EMC3: variants seen among roughly 807,000 people sequenced by gnomAD.
EMC3 encodes 30 kDa protein.
EMC3 carries 13 observed loss-of-function variants against 36.6 expected under a neutral mutation model. That is an observed-to-expected ratio of 0.35 (90% CI 0.23 to 0.56). The LOEUF is 0.56. EMC3 is among the 20% of genes least tolerant of loss of function. The pLI, the probability that EMC3 is intolerant of heterozygous loss-of-function variation, is 0.84. For missense variants in EMC3, 220 were observed against 324.5 expected (o/e 0.68, Z 2.47); for synonymous variants, 120 against 111.9 (o/e 1.07, Z -0.46).
chr3:9,993,083 T>G, intron 1 of EMC3: 1 of 842,614 alleles, frequency 1.2e-6, no homozygotes, highest in East Asian at 2.5e-5. Flanking sequence ...AATTTCATCT[T>G]ATTTCAGTCC....
chr3:9,995,996 T>G (rs2086119296), intron 1 of EMC3, among the ~76,000 whole-genome samples: 1 of 152,192 alleles, frequency 6.6e-6, no homozygotes, highest in Admixed American at 6.5e-5. Flanking sequence ...CATTAGATCC[T>G]CTGCCCTCAA....
At chr3:9,987,562 CG>C (rs1436375356), upstream of EMC3, among the ~76,000 whole-genome samples, 1 of 152,138 alleles carries the variant, frequency 6.6e-6, no homozygotes, top group Non-Finnish European at 1.5e-5. Context: ...GTGTTAAAGG[CG>C]GGTGTCTGGA....
rs1379902478 is a variant in EMC3 at position 9,994,371 on chromosome 3, A to T, written c.-241-7469T>A. ...GCAAGGAGGGAACAGAGGAAGGAAG[A>T]ATCATCTAATGCTTATTTTTTGTTG... On this transcript the variant is annotated intron_variant, in intron 1 of 8. Transcript: ENST00000470827. The T allele has an allele frequency of 4.6e-6, 3 of 648,810 alleles. No homozygotes were observed. In the Admixed American group the frequency reaches 5.9e-5, roughly 13 times the overall value. 40.2% of individuals were successfully genotyped at this position (648,810 alleles called of 1,614,324 possible). A position where few individuals can be genotyped will look rare whatever the true frequency, so the allele number is the denominator to read the frequency against.
At position 9,971,550 on chromosome 3, in the gene EMC3, T is replaced by C. The variant is rs139109852; in HGVS notation, c.495-889A>G. On this transcript the variant is annotated intron_variant, in intron 5 of 7. Coordinates refer to ENST00000245046, the MANE Select transcript of EMC3 (RefSeq NM_001394674.1). ...TACAATGTTGCTGATCTCACCACAG[T>C]GGTAATTGTACACTCAGGTTCCAGT... 3.5e-3 allele frequency among the ~76,000 whole-genome samples: 537 copies of C among 152,228 alleles called. 12 individuals are homozygous for C. The South Asian group carries it at 0.047, about 13-fold the overall frequency.
rs1404054380 is a variant in EMC3, at chr3:9,986,808, A to T, written c.-147T>A. On this transcript the variant is annotated 5_prime_UTR_variant, in exon 1 of 8. Coordinates refer to ENST00000245046, the MANE Select transcript of EMC3 (RefSeq NM_001394674.1). Reference sequence around the variant, plus strand: ...TCTCCTGCGACTGTGAGCCGAGCTTACTGCCTTCAGCTGGGCTGCCTGGTC... The same window carrying T: ...TCTCCTGCGACTGTGAGCCGAGCTTTCTGCCTTCAGCTGGGCTGCCTGGTC... 7 of 1,441,176 alleles carry T rather than the reference A, an allele frequency of 4.9e-6. No individual in the cohort carries two copies. In the East Asian group the frequency reaches 1.5e-4, roughly 30 times the overall value. The allele number at this position is 1,441,176 out of a possible 1,614,324, so 89.3% of individuals were successfully genotyped here. A position where few individuals can be genotyped will look rare whatever the true frequency, so the allele number is the denominator to read the frequency against.
chr3:9,975,911 TGTTTC>T (rs1445382002), intron 3 of EMC3, among the ~76,000 whole-genome samples: 1 of 152,112 alleles, frequency 6.6e-6, no homozygotes, highest in African/African-American at 2.4e-5. Flanking sequence ...AATGGTCTTT[TGTTTC>T]TTGTAAATTT....
chr3:9,971,203 G>T (rs112610659), intron 5 of EMC3, among the ~76,000 whole-genome samples: 1 of 152,064 alleles, frequency 6.6e-6, no homozygotes, highest in Non-Finnish European at 1.5e-5. Context: ...GATTACAGGC[G>T]TGAGCCACTG....
chr3:9,989,519 G>C (rs960010734), upstream of EMC3, among the ~76,000 whole-genome samples: 1 of 152,212 alleles, frequency 6.6e-6, no homozygotes, highest in African/African-American at 2.4e-5. Flanking sequence ...CTGATTGGTT[G>C]CCTTTAAAGA....
In EMC3 at chr3:9,986,493, G is replaced by C. The variant is rs1417345141; in HGVS notation, c.155+14C>G. 2 of 1,612,912 alleles carry C rather than the reference G, an allele frequency of 1.2e-6. No homozygotes were observed. The highest frequency in any genetic ancestry group is 1.7e-5 in the Admixed American group (1 of 59,974). On this transcript the variant is annotated intron_variant, in intron 1 of 7. Transcript: ENST00000245046. ...CGGCGGTGTGAGGTAGGCTGGAGAA[G>C]GGAGGGCGCTGACCTGTCAGATACT... is the stretch of plus-strand genomic sequence containing the variant.
intron 1 of EMC3, 116 bp downstream of exon 1, chr3:9,986,391 A>G: frequency 8.4e-7 from 1 of 1,192,260 alleles, no homozygotes; most frequent in South Asian, 1.4e-5. Context: ...GTAACGGGTA[A>G]GGTCACCCTG....
chr3:9,999,875 T>C (rs1422232411), intron 1 of EMC3, among the ~76,000 whole-genome samples: 1 of 152,210 alleles, frequency 6.6e-6, no homozygotes, highest in Non-Finnish European at 1.5e-5. Context: ...CCTTCAATCC[T>C]AGCCTTTAAG....
chr3:9,993,020 C>G, intron 1 of EMC3: 2 of 1,259,258 alleles, frequency 1.6e-6, no homozygotes, highest in East Asian at 4.6e-5. Context: ...TAGTAAGTGT[C>G]AGAGACTATT....
intron 4 of EMC3, 77 bp from the exon 5 acceptor site, chr3:9,973,786 G>A: frequency 7.4e-7 from 1 of 1,350,390 alleles, no homozygotes; most frequent in South Asian, 1.2e-5. Flanking sequence ...CTCAGAGGAG[G>A]TGGGAACTCT....
intron 1 of EMC3, among the ~76,000 whole-genome samples, chr3:9,992,184 A>G (rs1275691091): frequency 3.9e-5 from 6 of 152,088 alleles, no homozygotes; most frequent in East Asian, 1.9e-4. Flanking sequence ...GCAGTGGCAC[A>G]ATCTCGGCTC....
rs2085707305 is a variant in EMC3, at chr3:9,963,470, TA to T, written c.*598del. 1.8e-5 allele frequency: 2 copies of T among 111,432 alleles called. No homozygotes were observed. Among genetic ancestry groups the T allele is most frequent in the African/African-American group, 3.4e-5 (1 of 29,236 alleles). The allele number at this position is 111,432 out of a possible 1,614,324, so 6.9% of individuals were successfully genotyped here. ...GCTAAGATAGATATATATATATATA[TA>T]TATATATTTTTTTTTTTTTTTCAGA... On this transcript the variant is annotated 3_prime_UTR_variant, in exon 8 of 8. Coordinates refer to ENST00000245046, the MANE Select transcript of EMC3 (RefSeq NM_001394674.1).
intron 7 of EMC3, among the ~76,000 whole-genome samples, chr3:9,965,775 G>T (rs770620243): frequency 3.9e-5 from 6 of 152,040 alleles, no homozygotes; most frequent in Admixed American, 6.6e-5. Flanking sequence ...CACTTAGCAT[G>T]TTTTCAAGGT....
upstream of EMC3, among the ~76,000 whole-genome samples, chr3:9,989,380 G>A (rs1309144632): frequency 1.3e-5 from 2 of 151,918 alleles, no homozygotes; most frequent in East Asian, 1.9e-4. Context: ...GCGAAACCCC[G>A]TCTCTACTAA....
chr3:10,000,670 T>C, intron 1 of EMC3: 1 of 479,796 alleles, frequency 2.1e-6, no homozygotes, highest in Non-Finnish European at 4.1e-6. Context: ...TAAGATAAGC[T>C]ATCAAGCCTG....
intron 5 of EMC3, among the ~76,000 whole-genome samples, chr3:9,971,608 A>G (rs2085786041): frequency 6.6e-6 from 1 of 152,242 alleles, no homozygotes; most frequent in Admixed American, 6.5e-5. Flanking sequence ...TTTCAGTCAC[A>G]TGCCTCTCTG....
Sources: gnomAD v4.1 joint callset for allele counts (sites outside exome capture counted in the v4.1 genomes callset) on GRCh38, gnomAD v4.1.1 for gene constraint, MANE v1.5 for transcripts, NCBI Gene and HGNC (gene_info 2026-07-23, HGNC 2026-07-21) for gene names.